MMRN1: variants seen among roughly 807,000 people sequenced by gnomAD.
The protein encoded by MMRN1 is multimerin-1.
In MMRN1, 94 loss-of-function variants were observed where a neutral mutation model predicts 100.7. The observed-to-expected ratio is 0.93, with a 90% CI of 0.79 to 1.11. MMRN1 has a LOEUF of 1.11. MMRN1 is among the 50% of genes least tolerant of loss of function. The probability of loss-of-function intolerance (pLI) is 0.00; values close to 1 mark genes in which losing one functional copy is unlikely to be tolerated. For synonymous variants in MMRN1, 575 were observed against 505.0 expected, an observed-to-expected ratio of 1.14 and a Z score of -1.86; for missense variants, 1,606 against 1,439.1, an observed-to-expected ratio of 1.12 and a Z score of -1.88.
intron 3 of MMRN1, among the ~76,000 whole-genome samples, chr4:89,913,629 A>T (rs1721824276): frequency 6.6e-6 from 1 of 151,504 alleles, no homozygotes; most frequent in Non-Finnish European, 1.5e-5. Context: ...TGAAATATTT[A>T]TGAATTCAAG....
rs751835489 is a variant in MMRN1 at position 89,909,328 on chromosome 4, A to G, written c.676A>G (p.Asn226Asp). The change falls in exon 2 of 8, where the codon AAC (asparagine) becomes GAC (aspartate). Residue 226 changes from asparagine to aspartate, a missense_variant. Transcript: ENST00000264790. Reference protein sequence around the residue: ...TRLSPTVILDNQVTYVPGGKG... With the variant: ...TRLSPTVILDDQVTYVPGGKG... ...GTTATCTCCCACAGTGATATTGGAC[A>G]ACCAGGTCACTTATGTCCCAGGTGG... 1.2e-5 allele frequency: 20 copies of G among 1,609,806 alleles called. No individual in the cohort carries two copies. Among genetic ancestry groups the G allele is most frequent in the Non-Finnish European group, 1.3e-5 (15 of 1,177,296 alleles).
At chr4:89,947,131 A>T (rs552390382) in intron 6 of MMRN1, among the ~76,000 whole-genome samples, 2 of 152,216 alleles carry the variant, frequency 1.3e-5, no homozygotes, top group Non-Finnish European at 2.9e-5. Context: ...AAAATACAAA[A>T]AATAGCCTGG....
At chr4:89,891,240 G>A (rs116386994), upstream of MMRN1, among the ~76,000 whole-genome samples, 781 of 152,004 alleles carry the variant, frequency 5.1e-3, 9 homozygotes, top group African/African-American at 0.018. Context: ...GTGTGTTCCC[G>A]GAACAAGTTC....
rs987052997 is a variant in MMRN1 at position 89,884,537 on chromosome 4, T to C, written c.-249+4935T>C. The stretch of plus-strand genomic sequence containing the variant: ...TTAATACATGAATATTAATCCTTTA[T>C]CATGTGAACTTGCCTAAATTCACTA... On this transcript the variant is annotated intron_variant, in intron 1 of 8. Transcript: ENST00000394980. 5.9e-5 allele frequency among the ~76,000 whole-genome samples: 9 copies of C among 152,298 alleles called. No individual in the cohort carries two copies. In the East Asian group the frequency reaches 1.5e-3, roughly 26 times the overall value.
chr4:89,888,917 T>G (rs1194636946), intron 1 of MMRN1, among the ~76,000 whole-genome samples: 1 of 152,122 alleles, frequency 6.6e-6, no homozygotes, highest in Non-Finnish European at 1.5e-5. Flanking sequence ...GGTGTTTTCT[T>G]GATTTTTTTA....
upstream of MMRN1, among the ~76,000 whole-genome samples, chr4:89,891,803 A>G (rs1361279187): frequency 2.6e-5 from 4 of 152,176 alleles, no homozygotes; most frequent in South Asian, 4.1e-4. Flanking sequence ...GTTTTAAACT[A>G]TTTTAAGAAA....
At position 89,899,378 on chromosome 4, in the gene MMRN1, A is replaced by T. The variant is rs564053445; in HGVS notation, c.623+3784A>T. ...TGAACAAATATTTGCTGAACACCTT[A>T]TCTGTCCCAAGCACTGTGCTTGTGC... On this transcript the variant is annotated intron_variant, in intron 1 of 7. Coordinates refer to ENST00000264790, the MANE Select transcript of MMRN1 (RefSeq NM_007351.3). 2.6e-5 allele frequency among the ~76,000 whole-genome samples: 4 copies of T among 152,208 alleles called. No homozygotes were observed. In the South Asian group the frequency reaches 8.3e-4, roughly 32 times the overall value.
intron 5 of MMRN1, among the ~76,000 whole-genome samples, chr4:89,931,339 T>C (rs1457920278): frequency 6.6e-6 from 1 of 152,200 alleles, no homozygotes; most frequent in African/African-American, 2.4e-5. Flanking sequence ...GTCCCTCATG[T>C]ATGTTAAAAA....
chr4:89,951,551 A>G, intron 6 of MMRN1, 54 bp from the exon 7 acceptor site: 8 of 1,430,724 alleles, frequency 5.6e-6, no homozygotes, highest in African/African-American at 1.5e-5. Flanking sequence ...TTTGAGATCA[A>G]CAGGAAAATA....
At chr4:89,900,982 A>G (rs893895727) in intron 1 of MMRN1, among the ~76,000 whole-genome samples, 1 of 151,334 alleles carries the variant, frequency 6.6e-6, no homozygotes, top group African/African-American at 2.4e-5. Flanking sequence ...ATATTTTAAG[A>G]AGGAGGTAAG....
At position 89,934,466 on chromosome 4, in the gene MMRN1, T is replaced by G. The variant is rs572149660; in HGVS notation, c.1130-344T>G. On this transcript the variant is annotated intron_variant, in intron 5 of 7. Coordinates refer to ENST00000264790, the MANE Select transcript of MMRN1 (RefSeq NM_007351.3). Reference sequence around the variant, plus strand: ...GGCAGAAAGCCCAAAGCCATTTATTTTCACACAAAACGAAAACTAGACCTA... The same window carrying G: ...GGCAGAAAGCCCAAAGCCATTTATTGTCACACAAAACGAAAACTAGACCTA... 2.0e-4 allele frequency among the ~76,000 whole-genome samples: 31 copies of G among 152,252 alleles called. No homozygotes were observed. In the South Asian group the frequency reaches 6.2e-3, roughly 31 times the overall value.
At chr4:89,951,499 A>T in intron 6 of MMRN1, 106 bp from the exon 7 acceptor site, 1 of 1,208,888 alleles carries the variant, frequency 8.3e-7, no homozygotes, top group Non-Finnish European at 1.1e-6. Flanking sequence ...CATTTTTCTT[A>T]CTTAAAATTC....
intron 2 of MMRN1, among the ~76,000 whole-genome samples, chr4:89,910,021 G>C (rs1446510441): frequency 6.6e-6 from 1 of 151,414 alleles, no homozygotes; most frequent in Non-Finnish European, 1.5e-5. Flanking sequence ...TGTTTCCAAA[G>C]AGCCTGCAAT....
chr4:89,921,463 T>C (rs1276602774), intron 3 of MMRN1, among the ~76,000 whole-genome samples: 3 of 152,162 alleles, frequency 2.0e-5, no homozygotes, highest in South Asian at 4.1e-4. Flanking sequence ...TAGTACACCA[T>C]TTAAGGAGGA....
At chr4:89,906,398 A>T (rs1461568979) in intron 1 of MMRN1, among the ~76,000 whole-genome samples, 1 of 151,506 alleles carries the variant, frequency 6.6e-6, no homozygotes, top group Admixed American at 6.6e-5. Context: ...AATCAATACA[A>T]GCTTTTTTTC....
chr4:89,922,244 A>G (rs1722112014), intron 3 of MMRN1, among the ~76,000 whole-genome samples: 1 of 152,010 alleles, frequency 6.6e-6, no homozygotes, highest in African/African-American at 2.4e-5. Context: ...AGCTGGAATT[A>G]CAGGCACCTG....
At chr4:89,901,225 G>A (rs1308949904) in intron 1 of MMRN1, among the ~76,000 whole-genome samples, 1 of 150,558 alleles carries the variant, frequency 6.6e-6, no homozygotes, top group African/African-American at 2.4e-5. Flanking sequence ...TTTTGTGTTT[G>A]TTTCTTATAA....
Position 89,912,031 on chromosome 4 carries a change from G to A in MMRN1, c.831G>A (p.Gly277=). Residue 277 remains glycine (G), a synonymous_variant, in exon 3 of 8, where the codon GGG becomes GGA. Transcript: ENST00000264790. ...GGAGGTGCTGTCCTGGATACAGTGG[G>A]CCGAAATGTCAACTAAGAGGTACAC... ...LDWRCCPGYS[G]PKCQLRAQEQ... is the part of the protein sequence containing the mutation. The A allele has an allele frequency of 6.3e-7, 1 of 1,597,164 alleles. No individual in the cohort carries two copies.
At chr4:89,944,672 A>G (rs188540728) in intron 6 of MMRN1, among the ~76,000 whole-genome samples, 10 of 152,284 alleles carry the variant, frequency 6.6e-5, no homozygotes, top group Admixed American at 3.3e-4. Context: ...GAGAGCATCA[A>G]TTAGAAAAGT....
Sources: allele counts gnomAD v4.1 joint callset (sites outside exome capture counted in the v4.1 genomes callset), GRCh38; gene constraint gnomAD v4.1.1; transcripts MANE v1.5; gene names NCBI Gene and HGNC (gene_info 2026-07-23, HGNC 2026-07-21).